Variants in CAST observed in about 807,000 individuals in gnomAD.
CAST encodes MIR583 host.
CAST carries 76 observed loss-of-function variants against 119.6 expected under a neutral mutation model. The ratio of observed to expected loss-of-function variants is 0.64; its 90% CI spans 0.53 to 0.77. The LOEUF is 0.77. CAST is among the 30% of genes least tolerant of loss of function. CAST has a pLI of 0.00. For missense variants in CAST, 953 were observed against 946.5 expected (o/e 1.01, Z -0.09); for synonymous variants, 319 against 331.6 (o/e 0.96, Z 0.41).
At chr5:96,742,976 A>C (rs1358267797) in intron 16 of CAST, among the ~76,000 whole-genome samples, 5 of 152,212 alleles carry the variant, frequency 3.3e-5, no homozygotes, top group African/African-American at 1.2e-4. Context: ...AATGAACACG[A>C]ATCTCCCTTG....
the CAST span, among the ~76,000 whole-genome samples, chr5:96,305,082 G>A: frequency 6.6e-6 from 1 of 152,198 alleles, no homozygotes; most frequent in African/African-American, 2.4e-5. Context: ...CTATCCATGA[G>A]CATGGAATGT....
chr5:96,000,398 T>C, the CAST span, among the ~76,000 whole-genome samples: 1 of 152,350 alleles, frequency 6.6e-6, no homozygotes, highest in African/African-American at 2.4e-5. Flanking sequence ...TTACAATCCT[T>C]TTTTATTTAC....
the CAST span, among the ~76,000 whole-genome samples, chr5:96,100,951 G>A: frequency 6.6e-6 from 1 of 152,016 alleles, no homozygotes; most frequent in African/African-American, 2.4e-5. Context: ...AAGAGACAGG[G>A]TCTCAATGTT....
At chr5:96,124,066 T>C in the CAST span, among the ~76,000 whole-genome samples, 1 of 152,184 alleles carries the variant, frequency 6.6e-6, no homozygotes, top group Non-Finnish European at 1.5e-5. Flanking sequence ...AAAAGTCCTG[T>C]TTTTTCACCA....
chr5:96,432,771 G>C, the CAST span: 1 of 1,034,336 alleles, frequency 9.7e-7, no homozygotes, highest in South Asian at 1.3e-5. Flanking sequence ...GCTCTGGAGA[G>C]TGCAACCTGG....
chr5:96,464,460 T>C, the CAST span, among the ~76,000 whole-genome samples: 1 of 152,056 alleles, frequency 6.6e-6, no homozygotes, highest in African/African-American at 2.4e-5. Context: ...TCCTGGGTTT[T>C]ACATAGTTCA....
At chr5:96,660,929 G>A (rs1409525469), upstream of CAST, among the ~76,000 whole-genome samples, 1 of 151,432 alleles carries the variant, frequency 6.6e-6, no homozygotes, top group Non-Finnish European at 1.5e-5. Flanking sequence ...TAGATACACA[G>A]ACAGTAAGTA....
At chr5:96,032,897 C>A in the CAST span, among the ~76,000 whole-genome samples, 1 of 152,074 alleles carries the variant, frequency 6.6e-6, no homozygotes, top group Non-Finnish European at 1.5e-5. Context: ...TTCCTGTCTG[C>A]AGATGCCATG....
intron 27 of CAST, among the ~76,000 whole-genome samples, chr5:96,766,725 CCT>C (rs1248236128): frequency 6.6e-6 from 1 of 152,208 alleles, no homozygotes; most frequent in Non-Finnish European, 1.5e-5. Context: ...CTGTCCCCCA[CCT>C]CTTTCCTATT....
chr5:96,455,003 A>G, the CAST span, among the ~76,000 whole-genome samples: 1 of 152,224 alleles, frequency 6.6e-6, no homozygotes, highest in East Asian at 1.9e-4. Context: ...ATAGTGTTAA[A>G]ATTTTCCTTT....
the CAST span, chr5:95,962,027 C>T: frequency 4.9e-6 from 2 of 407,538 alleles, no homozygotes; most frequent in South Asian, 9.4e-5. Context: ...TGGGACGGGA[C>T]GTCCGAGAGG....
At chr5:96,676,977 C>T (rs570422426) in intron 2 of CAST, among the ~76,000 whole-genome samples, 77 of 151,274 alleles carry the variant, frequency 5.1e-4, no homozygotes, top group African/African-American at 1.8e-3. Flanking sequence ...TCGCGTGAAC[C>T]TGGGAGGCAG....
At chr5:96,265,875 C>T in the CAST span, among the ~76,000 whole-genome samples, 7 of 151,968 alleles carry the variant, frequency 4.6e-5, no homozygotes, top group African/African-American at 1.7e-4. Context: ...AATATATAGA[C>T]AAATTTCTTA....
chr5:96,486,721 G>A, the CAST span, among the ~76,000 whole-genome samples: 35 of 151,886 alleles, frequency 2.3e-4, no homozygotes, highest in Non-Finnish European at 4.6e-4. Flanking sequence ...GGCAGATTCT[G>A]CCAGTAAAAA....
chr5:96,742,589 A>G, intron 15 of CAST, 66 bp from the exon 16 acceptor site: 2 of 1,020,866 alleles, frequency 2.0e-6, no homozygotes, highest in Non-Finnish European at 1.5e-6. Flanking sequence ...TTTACAAAGA[A>G]GTAAATGGAT....
the CAST span, among the ~76,000 whole-genome samples, chr5:96,519,505 T>G: frequency 6.6e-6 from 1 of 152,244 alleles, no homozygotes; most frequent in Non-Finnish European, 1.5e-5. Flanking sequence ...CTTTTCATTT[T>G]CCTTTTAATT....
upstream of CAST, among the ~76,000 whole-genome samples, chr5:96,522,394 A>G (rs1745532848): frequency 6.6e-6 from 1 of 152,148 alleles, no homozygotes; most frequent in South Asian, 2.1e-4. Context: ...ATTACCTCCT[A>G]CACAGTCTAT....
At chr5:96,740,842 G>C (rs747634734) in intron 13 of CAST, 59 bp downstream of exon 13, 72 of 1,068,974 alleles carry the variant, frequency 6.7e-5, no homozygotes, top group Non-Finnish European at 9.4e-5. Flanking sequence ...TTGGCTGGGG[G>C]AACAGGGCTA....
At chr5:96,604,490 C>G (rs1580842500) in intron 1 of CAST, among the ~76,000 whole-genome samples, 1 of 152,176 alleles carries the variant, frequency 6.6e-6, no homozygotes, top group East Asian at 1.9e-4. Context: ...TCATTCTTAC[C>G]AGAAATATGT....
Sources: gnomAD v4.1 joint callset for allele counts (sites outside exome capture counted in the v4.1 genomes callset) on GRCh38, gnomAD v4.1.1 for gene constraint, MANE v1.5 for transcripts, NCBI Gene and HGNC (gene_info 2026-07-23, HGNC 2026-07-21) for gene names.